LRRC43: variants seen among roughly 807,000 people sequenced by gnomAD.
LRRC43 encodes leucine-rich repeat-containing protein 43.
In LRRC43, 62 loss-of-function variants were observed where a neutral mutation model predicts 64.3. That is an observed-to-expected ratio of 0.96 (90% CI 0.79 to 1.19). The LOEUF is 1.19. Among genes scored for constraint, LRRC43 ranks in the 50% most tolerant of loss-of-function variants. LRRC43 has a pLI of 0.00. For synonymous variants in LRRC43, 422 were observed against 382.3 expected (o/e 1.10, Z -1.21); for missense variants, 868 against 845.0 (o/e 1.03, Z -0.34).
intron 1 of LRRC43, chr12:122,171,894 C>T (rs530536566): frequency 6.8e-4 from 105 of 154,206 alleles, no homozygotes; most frequent in Non-Finnish European, 1.0e-3. Context: ...TTATTGAGCC[C>T]GTCCAGTGGG....
chr12:122,171,824 C>T (rs1013418107), intron 1 of LRRC43, among the ~76,000 whole-genome samples: 1 of 152,100 alleles, frequency 6.6e-6, no homozygotes, highest in Non-Finnish European at 1.5e-5. Context: ...CTGCCTTTAT[C>T]TCCCAAAGTG....
chr12:122,191,353 C>T (rs1297702738), intron 5 of LRRC43, 27 bp from the exon 6 acceptor site: 1 of 1,587,370 alleles, frequency 6.3e-7, no homozygotes, highest in Non-Finnish European at 8.6e-7. Flanking sequence ...CCATGGGCCC[C>T]CCTGTCCTGC....
chr12:122,194,673 G>A (rs751747029), intron 7 of LRRC43, among the ~76,000 whole-genome samples: 1 of 151,588 alleles, frequency 6.6e-6, no homozygotes, highest in Non-Finnish European at 1.5e-5. Context: ...GTCTCTCGAT[G>A]TTGACCAGGT....
At chr12:122,183,118 C>G, upstream of LRRC43, 1 of 1,528,386 alleles carries the variant, frequency 6.5e-7, no homozygotes, top group Non-Finnish European at 8.7e-7. Context: ...CGCGTCCTAG[C>G]GGTTGCCGGG....
upstream of LRRC43, among the ~76,000 whole-genome samples, chr12:122,179,183 C>G (rs1281219810): frequency 6.6e-6 from 1 of 152,160 alleles, no homozygotes; most frequent in Non-Finnish European, 1.5e-5. Context: ...CAGCCTCAAA[C>G]TCCCAGGCTC....
intron 1 of LRRC43, among the ~76,000 whole-genome samples, chr12:122,173,547 G>A (rs1473366324): frequency 1.3e-5 from 2 of 152,148 alleles, no homozygotes; most frequent in East Asian, 1.9e-4. Context: ...AGCTGGGCGT[G>A]GTGGCGCATG....
chr12:122,197,347 G>T (rs1321584786), intron 7 of LRRC43, among the ~76,000 whole-genome samples: 3 of 151,812 alleles, frequency 2.0e-5, no homozygotes, highest in Non-Finnish European at 2.9e-5. Context: ...TGTATTTTTA[G>T]TAGAGACAGA....
In LRRC43 at chr12:122,184,762, CG is replaced by C; in HGVS notation, c.397del (p.Val133Ter). 1 of 1,604,654 alleles carries C rather than the reference CG, an allele frequency of 6.2e-7. No homozygotes were observed. The highest frequency in any genetic ancestry group is 8.5e-7 in the Non-Finnish European group (1 of 1,175,608). On this transcript the variant is annotated frameshift_variant, in exon 2 of 12. Coordinates refer to ENST00000339777, the MANE Select transcript of LRRC43 (RefSeq NM_001098519.2). LOFTEE classifies it high-confidence loss of function. This position sits in a 1 kb window ranked among gnomAD's most constrained non-coding sequence, Gnocchi z 4.0. The stretch of plus-strand genomic sequence containing the variant: ...CTTCTACTCCTACTTCCGGTCCCTG[CG>C]GGTAATAGACAAGAAGGTCAGTGCT... ...TFFYSYFRSL[R>X]VIDKKVTLVD...
chr12:122,191,379 G>C lies in LRRC43; in HGVS notation c.902-1G>C, dbSNP rs1039047609. Reference sequence around the variant, plus strand: ...CCTGTCCTGCCCATTCCTCCCTGCAGATCTCTTGGCACAGGAGGCGCAGTT... The same window carrying C: ...CCTGTCCTGCCCATTCCTCCCTGCACATCTCTTGGCACAGGAGGCGCAGTT... On this transcript the variant is annotated splice_acceptor_variant, in intron 5 of 11. Coordinates refer to ENST00000339777, the MANE Select transcript of LRRC43 (RefSeq NM_001098519.2). LOFTEE classifies it high-confidence loss of function. 3 of 1,608,658 alleles carry C rather than the reference G, an allele frequency of 1.9e-6. No homozygotes were observed. Among genetic ancestry groups the C allele is most frequent in the Non-Finnish European group, 1.7e-6 (2 of 1,177,386 alleles).
At position 122,200,414 on chromosome 12, in the gene LRRC43, G is replaced by A; in HGVS notation, c.1491+84G>A. ...GTTCCCATCGGGCTGTCCCCCATGG[G>A]AGCCGCACTCCCTGGTTAGATGAGT... On this transcript the variant is annotated intron_variant, in intron 8 of 11. Transcript: ENST00000339777. This position sits in a 1 kb window ranked among gnomAD's most constrained non-coding sequence, Gnocchi z 4.6. 6.2e-7 allele frequency: 1 copy of A among 1,608,430 alleles called. No homozygotes were observed. The highest frequency in any genetic ancestry group is 1.1e-5 in the South Asian group (1 of 90,782).
rs1008261564 is a variant in LRRC43, at chr12:122,189,310, G to T, written c.663-820G>T. Reference sequence around the variant, plus strand: ...AACCTGGAGGGCATGCCCTTGGGGGGTCCAACCCTCTACATGCCTGGAGCG... The same window carrying T: ...AACCTGGAGGGCATGCCCTTGGGGGTTCCAACCCTCTACATGCCTGGAGCG... On this transcript the variant is annotated intron_variant, in intron 4 of 11. Coordinates refer to ENST00000339777, the MANE Select transcript of LRRC43 (RefSeq NM_001098519.2). The T allele has an allele frequency of 9.6e-6, 4 of 417,072 alleles. No individual in the cohort carries two copies. In the Admixed American group the frequency reaches 1.0e-4, roughly 11 times the overall value. The allele number at this position is 417,072 out of a possible 1,614,324, so 25.8% of individuals were successfully genotyped here.
chr12:122,201,012 G>C (rs930513201), intron 10 of LRRC43, 78 bp downstream of exon 10: 5 of 1,483,730 alleles, frequency 3.4e-6, no homozygotes, highest in Non-Finnish European at 4.5e-6. Context: ...AGCAAGGGCT[G>C]TGGGCCCAGG....
rs994644131 is a variant in LRRC43, at chr12:122,200,713, T to C, written c.1621-33T>C. On this transcript the variant is annotated intron_variant, in intron 9 of 11. Coordinates refer to ENST00000339777, the MANE Select transcript of LRRC43 (RefSeq NM_001098519.2). This position sits in a 1 kb window ranked among gnomAD's most constrained non-coding sequence, Gnocchi z 4.6. Reference sequence around the variant, plus strand: ...AGCCTGGCCACACCCTTGCTTCAACTTGTCCCACCCTCCTGTCCTCCCGTC... The same window carrying C: ...AGCCTGGCCACACCCTTGCTTCAACCTGTCCCACCCTCCTGTCCTCCCGTC... 6.2e-6 allele frequency: 10 copies of C among 1,613,060 alleles called. No individual in the cohort carries two copies. The African/African-American group carries it at 1.3e-4, about 22-fold the overall frequency.
intron 7 of LRRC43, among the ~76,000 whole-genome samples, chr12:122,198,363 G>A (rs567193039): frequency 1.2e-4 from 19 of 152,118 alleles, no homozygotes; most frequent in African/African-American, 4.1e-4. Context: ...ACAGAGTTGC[G>A]CAACCATTAC....
In LRRC43 at chr12:122,190,173, G is replaced by A. The variant is rs963904602; in HGVS notation, c.706G>A (p.Asp236Asn). Residue 236 changes from aspartate (D) to asparagine (N), a missense_variant, in exon 5 of 12, where the codon GAC (aspartate) becomes AAC (asparagine). Transcript: ENST00000339777. ...GGACCTGGGCTTCAACGACCTGACA[G>A]ACCTGCAGAGCATGGTCACCAGCCT... is the stretch of plus-strand genomic sequence containing the variant. ...SLDLGFNDLT[D>N]LQSMVTSLRT... The A allele has an allele frequency of 1.2e-6, 2 of 1,614,016 alleles. No homozygotes were observed. Among genetic ancestry groups the A allele is most frequent in the African/African-American group, 2.7e-5 (2 of 74,914 alleles).
intron 4 of LRRC43, among the ~76,000 whole-genome samples, chr12:122,188,757 A>G (rs879473661): frequency 3.9e-5 from 6 of 152,128 alleles, no homozygotes; most frequent in Admixed American, 6.5e-5. Flanking sequence ...CGTATTTTAG[A>G]GGAGGGTTGC....
upstream of LRRC43, among the ~76,000 whole-genome samples, chr12:122,182,441 G>T (rs998446947): frequency 7.2e-6 from 1 of 139,166 alleles, no homozygotes. Context: ...AGAATCGGTT[G>T]AATCTGGGAG....
rs1317984957 is a variant in LRRC43, at chr12:122,192,996, G to A, written c.1341G>A (p.Pro447=). 18 of 1,613,250 alleles carry A rather than the reference G, an allele frequency of 1.1e-5. No homozygotes were observed. In the East Asian group the frequency reaches 1.8e-4, roughly 16 times the overall value. ...TGCGTATAGATCCCCGGCTCTGCCCGTCCCCAGGGTAAGGATGGAAATCTG... is the reference window on the plus strand; with the variant it reads ...TGCGTATAGATCCCCGGCTCTGCCCATCCCCAGGGTAAGGATGGAAATCTG... ...LRLRIDPRLC[P]SPGTVLFSTA... is the part of the protein sequence containing the mutation. Residue 447 remains proline (P), a synonymous_variant, in exon 7 of 12, where the codon CCG becomes CCA. Coordinates refer to ENST00000339777, the MANE Select transcript of LRRC43 (RefSeq NM_001098519.2).
chr12:122,198,903 G>T lies in LRRC43; in HGVS notation c.1350-1286G>T, dbSNP rs573571528. On this transcript the variant is annotated intron_variant, in intron 7 of 11. Coordinates refer to ENST00000339777, the MANE Select transcript of LRRC43 (RefSeq NM_001098519.2). ...CCACCTCGGCCTCCCAAAGTGCTGG[G>T]ATTACAGGCATGAGCCACTGAGCCC... Among the ~76,000 whole-genome samples the T allele has an allele frequency of 2.6e-5, 4 of 151,798 alleles. No homozygotes were observed. In the East Asian group the frequency reaches 5.8e-4, roughly 22 times the overall value.
Sources: gnomAD v4.1 joint callset for allele counts (sites outside exome capture counted in the v4.1 genomes callset) on GRCh38, gnomAD v4.1.1 for gene constraint, Gnocchi (gnomAD v3.1) non-coding constraint, MANE v1.5 for transcripts, NCBI Gene and HGNC (gene_info 2026-07-23, HGNC 2026-07-21) for gene names.